PRR16: variants seen among roughly 807,000 people sequenced by gnomAD.
The protein encoded by PRR16 is proline rich 16.
PRR16 carries 6 observed loss-of-function variants against 18.2 expected under a neutral mutation model. The ratio of observed to expected loss-of-function variants is 0.33; its 90% CI spans 0.18 to 0.65. The LOEUF is 0.65. Among genes scored for constraint, PRR16 ranks in the 30% least tolerant of loss-of-function variants. The pLI is 0.74. For missense variants in PRR16, 412 were observed against 376.6 expected (o/e 1.09, Z -0.78); for synonymous variants, 151 against 147.8 (o/e 1.02, Z -0.16).
At chr5:120,623,231 G>A (rs953336812) in intron 1 of PRR16, among the ~76,000 whole-genome samples, 1 of 151,966 alleles carries the variant, frequency 6.6e-6, no homozygotes, top group Non-Finnish European at 1.5e-5. Flanking sequence ...TTTTATAATG[G>A]CAACAGTATC....
At chr5:120,545,304 T>C (rs1752041691) in intron 1 of PRR16, among the ~76,000 whole-genome samples, 1 of 152,124 alleles carries the variant, frequency 6.6e-6, no homozygotes, top group Non-Finnish European at 1.5e-5. Flanking sequence ...ACATTATAGA[T>C]TGGATTCTGT....
chr5:120,504,900 T>C (rs1750589812), intron 1 of PRR16, among the ~76,000 whole-genome samples: 3 of 152,102 alleles, frequency 2.0e-5, no homozygotes. Context: ...AAGAAATGCC[T>C]TGCATCTTCA....
chr5:120,570,861 A>G (rs1752883545), intron 1 of PRR16, among the ~76,000 whole-genome samples: 1 of 152,132 alleles, frequency 6.6e-6, no homozygotes, highest in South Asian at 2.1e-4. Context: ...ATAGTTTCTT[A>G]AAGTTCTTAA....
the PRR16 span, among the ~76,000 whole-genome samples, chr5:120,784,466 A>G: frequency 6.6e-6 from 1 of 152,158 alleles, no homozygotes; most frequent in Admixed American, 6.5e-5. Context: ...ATATATGTTG[A>G]GCATATTTTG....
In PRR16 at chr5:120,604,803, G is replaced by A. The variant is rs553395871; in HGVS notation, c.160-81151G>A. The stretch of plus-strand genomic sequence containing the variant: ...CCCTTCACTTTTGTAGCTTAGTTTG[G>A]GTGGATATGAAATTCTTTGTTGGAA... On this transcript the variant is annotated intron_variant, in intron 1 of 1. Coordinates refer to ENST00000407149, the MANE Select transcript of PRR16 (RefSeq NM_001300783.2). Among the ~76,000 whole-genome samples the A allele has an allele frequency of 2.0e-5, 3 of 152,220 alleles. No homozygotes were observed. In the East Asian group the frequency reaches 5.8e-4, roughly 29 times the overall value.
intron 1 of PRR16, among the ~76,000 whole-genome samples, chr5:120,632,482 A>G (rs1033366018): frequency 3.9e-5 from 6 of 152,166 alleles, no homozygotes; most frequent in Non-Finnish European, 8.8e-5. Context: ...TAAAAACATG[A>G]TACAAGATAT....
the PRR16 span, among the ~76,000 whole-genome samples, chr5:120,747,054 T>C: frequency 2.0e-5 from 3 of 152,186 alleles, no homozygotes; most frequent in Admixed American, 2.0e-4. Context: ...TGCCAAGAGA[T>C]TCATTTCGTT....
intron 1 of PRR16, among the ~76,000 whole-genome samples, chr5:120,654,287 C>T (rs1233319341): frequency 6.6e-6 from 1 of 151,976 alleles, no homozygotes; most frequent in Non-Finnish European, 1.5e-5. Flanking sequence ...ACTTCTAACT[C>T]ATTCAAGCTC....
chr5:120,788,327 A>T, the PRR16 span, among the ~76,000 whole-genome samples: 2 of 152,090 alleles, frequency 1.3e-5, no homozygotes, highest in African/African-American at 4.8e-5. Context: ...GTAGCAGCTT[A>T]TCAAAGGCTG....
At chr5:120,779,135 T>A in the PRR16 span, among the ~76,000 whole-genome samples, 1 of 152,088 alleles carries the variant, frequency 6.6e-6, no homozygotes, top group Non-Finnish European at 1.5e-5. Context: ...TTAATGCAGT[T>A]ACACAAAGAA....
intron 1 of PRR16, among the ~76,000 whole-genome samples, chr5:120,477,315 A>G (rs1191714677): frequency 6.7e-6 from 1 of 149,808 alleles, no homozygotes; most frequent in African/African-American, 2.5e-5. Context: ...CTGAACCCGG[A>G]TCTCCCCCCT....
chr5:120,741,570 C>T, the PRR16 span, among the ~76,000 whole-genome samples: 1 of 152,254 alleles, frequency 6.6e-6, no homozygotes, highest in East Asian at 1.9e-4. Context: ...TTCAATATTT[C>T]ATCATTAAGT....
At chr5:120,704,972 T>C in the PRR16 span, among the ~76,000 whole-genome samples, 1 of 152,132 alleles carries the variant, frequency 6.6e-6, no homozygotes, top group Non-Finnish European at 1.5e-5. Flanking sequence ...AAGTAATTCC[T>C]GAGCTAGAGA....
the PRR16 span, among the ~76,000 whole-genome samples, chr5:120,722,117 T>G: frequency 6.6e-6 from 1 of 151,936 alleles, no homozygotes; most frequent in Non-Finnish European, 1.5e-5. Flanking sequence ...AGTGAGAGAA[T>G]GTGGTTTGGT....
chr5:120,543,181 A>C (rs530852775), intron 1 of PRR16, among the ~76,000 whole-genome samples: 1 of 152,178 alleles, frequency 6.6e-6, no homozygotes, highest in African/African-American at 2.4e-5. Flanking sequence ...AAAACGGTTG[A>C]GCTTTTCCTA....
chr5:120,791,635 CATCTATCT>C, the PRR16 span, among the ~76,000 whole-genome samples: 5 of 142,576 alleles, frequency 3.5e-5, no homozygotes, highest in East Asian at 2.0e-4. Context: ...ATCCATCTAT[CATCTATCT>C]ATCTATCTAT....
At chr5:120,780,619 C>T in the PRR16 span, among the ~76,000 whole-genome samples, 1 of 152,028 alleles carries the variant, frequency 6.6e-6, no homozygotes, top group African/African-American at 2.4e-5. Flanking sequence ...GTCAAAAAAT[C>T]CCAAATTAAG....
At chr5:120,643,264 C>T (rs1755482445) in intron 1 of PRR16, among the ~76,000 whole-genome samples, 1 of 151,180 alleles carries the variant, frequency 6.6e-6, no homozygotes, top group African/African-American at 2.4e-5. Flanking sequence ...GTGAGATTTT[C>T]TTTTTAGCTT....
At chr5:120,671,430 C>T (rs1756600729) in intron 1 of PRR16, among the ~76,000 whole-genome samples, 1 of 152,060 alleles carries the variant, frequency 6.6e-6, no homozygotes, top group South Asian at 2.1e-4. Context: ...TCAGTATCAA[C>T]ATTTCTAGTA....
Sources: allele counts gnomAD v4.1 joint callset (sites outside exome capture counted in the v4.1 genomes callset), GRCh38; gene constraint gnomAD v4.1.1; transcripts MANE v1.5; gene names NCBI Gene and HGNC (gene_info 2026-07-23, HGNC 2026-07-21).